CNTNAP2: variants seen among roughly 807,000 people sequenced by gnomAD.
CNTNAP2 encodes the protein contactin associated protein 2.
Under a neutral mutation model 155.2 loss-of-function variants are expected in CNTNAP2, and 98 were observed. That is an observed-to-expected ratio of 0.63 (90% CI 0.54 to 0.75). CNTNAP2 has a LOEUF of 0.75. Among genes scored for constraint, CNTNAP2 ranks in the 30% least tolerant of loss-of-function variants. CNTNAP2 has a pLI of 0.00. For synonymous variants in CNTNAP2, 651 were observed against 631.2 expected, an observed-to-expected ratio of 1.03 and a Z score of -0.47; for missense variants, 1,727 against 1,688.1, an observed-to-expected ratio of 1.02 and a Z score of -0.40.
At chr7:146,737,868 TATAG>T (rs1221882072) in intron 1 of CNTNAP2, among the ~76,000 whole-genome samples, 3 of 152,212 alleles carry the variant, frequency 2.0e-5, no homozygotes, top group East Asian at 1.9e-4. Context: ...TGTGCGTGCA[TATAG>T]ATAGATATAC....
At position 147,579,129 on chromosome 7, in the gene CNTNAP2, A is replaced by G. The variant is rs558542946; in HGVS notation, c.1897+16872A>G. On this transcript the variant is annotated intron_variant, in intron 12 of 23. Coordinates refer to ENST00000361727, the MANE Select transcript of CNTNAP2 (RefSeq NM_014141.6). ...GTCATTATGTTCTTTTTTAAATGTA[A>G]TGAACTGTGTGGTGTGATTAACAGC... is the stretch of plus-strand genomic sequence containing the variant. Among the ~76,000 whole-genome samples, 4 of 152,182 alleles carry G rather than the reference A, an allele frequency of 2.6e-5. No homozygotes were observed. The East Asian group carries it at 7.7e-4, about 29-fold the overall frequency.
intron 4 of CNTNAP2, among the ~76,000 whole-genome samples, chr7:147,062,016 T>C (rs1180088325): frequency 6.6e-6 from 1 of 151,148 alleles, no homozygotes; most frequent in Admixed American, 6.6e-5. Context: ...TAGTCCCAGC[T>C]ACTCAGGAGG....
rs1435794807 is a variant in CNTNAP2 at position 146,553,272 on chromosome 7, C to G, written c.98-220999C>G. ...ATTTATGTCTATTCTTGAATCATAA[C>G]ATAGAAGAAGTCTATAGAAAACTCC... On this transcript the variant is annotated intron_variant, in intron 1 of 23. Transcript: ENST00000361727. 2.0e-5 allele frequency among the ~76,000 whole-genome samples: 3 copies of G among 151,960 alleles called. No individual in the cohort carries two copies. In the East Asian group the frequency reaches 5.8e-4, roughly 29 times the overall value.
chr7:147,894,044 A>G (rs933636699), intron 13 of CNTNAP2: 2 of 152,208 alleles, frequency 1.3e-5, no homozygotes, highest in African/African-American at 2.4e-5. Context: ...AGGACTCTAT[A>G]GAGGCTACAG....
In CNTNAP2 at chr7:146,304,140, CT is replaced by C. The variant is rs924683721; in HGVS notation, c.97+187175del. Among the ~76,000 whole-genome samples the C allele has an allele frequency of 4.7e-5, 7 of 149,222 alleles. 1 individual carries two copies. The highest frequency in any genetic ancestry group is 2.7e-4 in the Admixed American group (4 of 14,950). On this transcript the variant is annotated intron_variant, in intron 1 of 23. Coordinates refer to ENST00000361727, the MANE Select transcript of CNTNAP2 (RefSeq NM_014141.6). ...TTGCTTGGTAGATCTTCCTCTGTCC[CT>C]TTTTTTTGAGCCTATGTGTGTCTCT...
At chr7:148,351,412 A>G (rs557370687) in intron 21 of CNTNAP2, among the ~76,000 whole-genome samples, 1 of 152,104 alleles carries the variant, frequency 6.6e-6, no homozygotes, top group African/African-American at 2.4e-5. Flanking sequence ...CCCTAAGGAA[A>G]GTGTGGTGCA....
intron 13 of CNTNAP2, among the ~76,000 whole-genome samples, chr7:147,640,982 C>T (rs1795265361): frequency 6.6e-6 from 1 of 152,174 alleles, no homozygotes; most frequent in African/African-American, 2.4e-5. Flanking sequence ...CGCCATGATG[C>T]TCTACCCACA....
chr7:146,156,781 T>C (rs991105091), intron 1 of CNTNAP2, among the ~76,000 whole-genome samples: 7 of 152,140 alleles, frequency 4.6e-5, no homozygotes, highest in Admixed American at 3.3e-4. Context: ...TTTGTATTTT[T>C]AGTAAAAACA....
chr7:148,158,256 C>G (rs972647354), intron 17 of CNTNAP2, among the ~76,000 whole-genome samples: 1 of 99,890 alleles, frequency 1.0e-5, no homozygotes, highest in African/African-American at 4.9e-5. Flanking sequence ...CAGAGTCTCC[C>G]TCTGTTACCA....
chr7:148,106,519 T>TATATATATATATATATATATACAC (rs1491129840), intron 15 of CNTNAP2, among the ~76,000 whole-genome samples: 1 of 130,860 alleles, frequency 7.6e-6, no homozygotes, highest in African/African-American at 2.7e-5. Context: ...TATATATATA[T>TATATATATATATATATATATACAC]ACATATTTTT....
chr7:146,316,935 T>C (rs558711900), intron 1 of CNTNAP2, among the ~76,000 whole-genome samples: 23 of 148,978 alleles, frequency 1.5e-4, no homozygotes, highest in Admixed American at 6.6e-4. Flanking sequence ...CCTTGTTCAA[T>C]GGGGATTCAT....
chr7:147,567,274 T>G (rs540906596), intron 12 of CNTNAP2, among the ~76,000 whole-genome samples: 35 of 152,280 alleles, frequency 2.3e-4, no homozygotes, highest in African/African-American at 7.7e-4. Flanking sequence ...GTGGGTGTTA[T>G]GCGGCTGAGA....
At chr7:146,794,761 G>A (rs538004179) in intron 2 of CNTNAP2, among the ~76,000 whole-genome samples, 5 of 152,250 alleles carry the variant, frequency 3.3e-5, no homozygotes, top group South Asian at 4.1e-4. Flanking sequence ...GTATTATACC[G>A]ATTATTCATT....
rs1554400925 is a variant in CNTNAP2 at position 146,185,761 on chromosome 7, C to CCTTTT, written c.97+68788_97+68789insCTTTT. ...TTCAGGGAGTGAACTTTTTATTATT[C>CCTTTT]TTTTTTTTTTTTTTTTTGTAGAACA... On this transcript the variant is annotated intron_variant, in intron 1 of 23. Coordinates refer to ENST00000361727, the MANE Select transcript of CNTNAP2 (RefSeq NM_014141.6). 2.5e-4 allele frequency among the ~76,000 whole-genome samples: 24 copies of CCTTTT among 94,894 alleles called. 1 individual carries two copies. The highest frequency in any genetic ancestry group is 7.2e-4 in the African/African-American group (18 of 25,108). 62.3% of individuals were successfully genotyped at this position (94,894 alleles called of 152,430 possible). A position where few individuals can be genotyped will look rare whatever the true frequency, so the allele number is the denominator to read the frequency against.
chr7:146,128,333 G>C (rs967872527), intron 1 of CNTNAP2, among the ~76,000 whole-genome samples: 1 of 152,146 alleles, frequency 6.6e-6, no homozygotes, highest in Non-Finnish European at 1.5e-5. Context: ...GTATAAGGAT[G>C]CTCAAGCATT....
chr7:146,857,348 A>G (rs1274509668), intron 3 of CNTNAP2, among the ~76,000 whole-genome samples: 2 of 152,220 alleles, frequency 1.3e-5, no homozygotes, highest in Non-Finnish European at 2.9e-5. Context: ...AATTATTTCA[A>G]AAGAAAAGTT....
intron 21 of CNTNAP2, among the ~76,000 whole-genome samples, chr7:148,281,896 C>A (rs943425839): frequency 7.5e-6 from 1 of 133,894 alleles, no homozygotes; most frequent in Admixed American, 9.0e-5. Context: ...AGTGCAATGG[C>A]GTGATCTCAG....
Position 146,885,196 on chromosome 7 carries a change from G to A in CNTNAP2, c.402+45292G>A, listed in dbSNP as rs373628783. On this transcript the variant is annotated intron_variant, in intron 3 of 23. Coordinates refer to ENST00000361727, the MANE Select transcript of CNTNAP2 (RefSeq NM_014141.6). ...TAAAATGAAATTATAATTTGCTTCC[G>A]AAATGTTAAGTTACTCTTAACGTCT... is the stretch of plus-strand genomic sequence containing the variant. Among the ~76,000 whole-genome samples the A allele has an allele frequency of 2.7e-4, 41 of 152,140 alleles. No individual in the cohort carries two copies. In the East Asian group the frequency reaches 2.7e-3, roughly 10 times the overall value.
At chr7:148,350,622 T>G (rs1212523262) in intron 21 of CNTNAP2, among the ~76,000 whole-genome samples, 1 of 152,252 alleles carries the variant, frequency 6.6e-6, no homozygotes, top group Non-Finnish European at 1.5e-5. Flanking sequence ...TTGTTTTATG[T>G]TCAGAACCAA....
Sources: allele counts gnomAD v4.1 joint callset (sites outside exome capture counted in the v4.1 genomes callset), GRCh38; gene constraint gnomAD v4.1.1; transcripts MANE v1.5; gene names NCBI Gene and HGNC (gene_info 2026-07-23, HGNC 2026-07-21).